The following STK3 variants were observed in gnomAD, a reference collection of about 807,000 sequenced individuals.
STK3 encodes the protein serine/threonine kinase 3.
A neutral mutation model predicts 58.0 loss-of-function variants in STK3; 41 were observed. The ratio of observed to expected loss-of-function variants is 0.71; its 90% confidence interval spans 0.55 to 0.92. STK3 has a LOEUF of 0.92. Among genes scored for constraint, STK3 ranks in the 40% least tolerant of loss-of-function variants. STK3 has a pLI of 0.00. For missense variants in STK3, 479 were observed against 602.7 expected, an observed-to-expected ratio of 0.79 and a Z score of 2.15; for synonymous variants, 170 against 191.0, an observed-to-expected ratio of 0.89 and a Z score of 0.91.
At chr8:98,387,679 C>G (rs927921161) in intron 1 of STK3, among the ~76,000 whole-genome samples, 1 of 152,182 alleles carries the variant, frequency 6.6e-6, no homozygotes, top group East Asian at 1.9e-4. Flanking sequence ...ACCTGGGAGG[C>G]AGAGGTTGTG....
chr8:98,499,363 T>C (rs1464597984), intron 10 of STK3, among the ~76,000 whole-genome samples: 1 of 152,190 alleles, frequency 6.6e-6, no homozygotes, highest in Non-Finnish European at 1.5e-5. Flanking sequence ...TAATTTGTTA[T>C]AGCAGCCATA....
At chr8:98,890,527 A>G (rs1838157059) in intron 1 of STK3, among the ~76,000 whole-genome samples, 1 of 152,182 alleles carries the variant, frequency 6.6e-6, no homozygotes, top group African/African-American at 2.4e-5. Flanking sequence ...CCAGGCATCA[A>G]TCTGCTACTC....
In STK3 at chr8:98,738,993, C is replaced by G. The variant is rs377254021; in HGVS notation, c.351+10283G>C. On this transcript the variant is annotated intron_variant, in intron 4 of 10. Coordinates refer to ENST00000419617, the MANE Select transcript of STK3 (RefSeq NM_006281.4). ...CCCAAGGAGTCTCACTGATTGCTAG[C>G]ACAGCAGTCTGAGATCAAACTGCAA... is the stretch of plus-strand genomic sequence containing the variant. 4.6e-4 allele frequency among the ~76,000 whole-genome samples: 70 copies of G among 152,364 alleles called. No homozygotes were observed. In the South Asian group the frequency reaches 0.014, roughly 31 times the overall value.
At chr8:98,724,077 C>T (rs1827629285) in intron 4 of STK3, among the ~76,000 whole-genome samples, 1 of 152,152 alleles carries the variant, frequency 6.6e-6, no homozygotes, top group Non-Finnish European at 1.5e-5. Flanking sequence ...TCACTGTCTT[C>T]ATGACACTCA....
chr8:98,445,454 T>C (rs1818899312), intron 1 of STK3, among the ~76,000 whole-genome samples: 1 of 152,120 alleles, frequency 6.6e-6, no homozygotes, highest in South Asian at 2.1e-4. Flanking sequence ...ATCCAAAATA[T>C]TATTATTTCA....
At position 98,428,668 on chromosome 8, in the gene STK3, T is replaced by C. The variant is rs1346414153; in HGVS notation, n.483+5459A>G. 6.2e-7 allele frequency: 1 copy of C among 1,614,170 alleles called. No homozygotes were observed. The highest frequency in any genetic ancestry group is 8.5e-7 in the Non-Finnish European group (1 of 1,180,034). On this transcript the variant is annotated intron_variant and non_coding_transcript_variant, in intron 3 of 3. Transcript: ENST00000517832. The surrounding 1 kb of genome is among the most constrained non-coding windows in gnomAD (Gnocchi z 6.7). ...GGCGAGGACCCTAGGTTCGAAATCGTGGAGCACTTTGGCATTGCCTGGTTC... is the reference window on the plus strand; with the variant it reads ...GGCGAGGACCCTAGGTTCGAAATCGCGGAGCACTTTGGCATTGCCTGGTTC...
intron 6 of STK3, among the ~76,000 whole-genome samples, chr8:98,615,357 G>A (rs1374547263): frequency 6.7e-6 from 1 of 148,414 alleles, no homozygotes; most frequent in Non-Finnish European, 1.5e-5. Flanking sequence ...CACAAAGATG[G>A]GGAAAAAACA....
chr8:98,614,406 G>A (rs552857922), intron 6 of STK3, among the ~76,000 whole-genome samples: 145 of 152,274 alleles, frequency 9.5e-4, no homozygotes, highest in African/African-American at 2.3e-3. Context: ...TAAAGAACAC[G>A]CTTTCAAATA....
At chr8:98,930,918 C>T (rs571968994) in intron 1 of STK3, among the ~76,000 whole-genome samples, 2 of 152,198 alleles carry the variant, frequency 1.3e-5, no homozygotes, top group African/African-American at 2.4e-5. Context: ...GCCTGCACAG[C>T]GCCTGAAGGA....
chr8:98,872,790 G>A (rs145196185), intron 3 of STK3, among the ~76,000 whole-genome samples: 1,646 of 152,228 alleles, frequency 0.011, 16 homozygotes, highest in Admixed American at 0.048. Flanking sequence ...CAAAAAACCA[G>A]CTCCTGGATT....
At chr8:98,860,412 T>A (rs1190685855) in intron 3 of STK3, among the ~76,000 whole-genome samples, 1 of 152,048 alleles carries the variant, frequency 6.6e-6, no homozygotes, top group Non-Finnish European at 1.5e-5. Context: ...ACAGCAAGTG[T>A]GAAGGCCCTA....
intron 6 of STK3, among the ~76,000 whole-genome samples, chr8:98,636,396 T>G (rs1324217422): frequency 6.6e-6 from 1 of 152,198 alleles, no homozygotes; most frequent in Non-Finnish European, 1.5e-5. Context: ...TTTACACTTA[T>G]TTAACTGACA....
intron 9 of STK3, 52 bp downstream of exon 9, chr8:98,547,917 A>C: frequency 6.9e-7 from 1 of 1,439,454 alleles, no homozygotes; most frequent in Middle Eastern, 1.9e-4. Context: ...GTTCCTATAA[A>C]AGTATCCTTT....
chr8:98,501,870 A>T (rs1823628730), intron 10 of STK3, among the ~76,000 whole-genome samples: 1 of 152,088 alleles, frequency 6.6e-6, no homozygotes, highest in African/African-American at 2.4e-5. Context: ...TTTGCTTAGG[A>T]TTGTATTGCC....
chr8:98,408,937 T>C (rs1818026791), intron 3 of STK3, among the ~76,000 whole-genome samples: 1 of 152,222 alleles, frequency 6.6e-6, no homozygotes, highest in Non-Finnish European at 1.5e-5. Context: ...TGACCCAATT[T>C]TGAGTTTGAA....
chr8:98,472,309 A>G (rs1820984926), intron 10 of STK3, among the ~76,000 whole-genome samples: 1 of 152,198 alleles, frequency 6.6e-6, no homozygotes, highest in South Asian at 2.1e-4. Context: ...TTAGATTCAG[A>G]TTAGTATAGA....
At chr8:98,831,171 C>T (rs1564046282) in intron 3 of STK3, among the ~76,000 whole-genome samples, 1 of 152,124 alleles carries the variant, frequency 6.6e-6, no homozygotes, top group South Asian at 2.1e-4. Context: ...AGCATACGTT[C>T]TTTGTAACTG....
upstream of STK3, chr8:98,391,504 G>A (rs1205567851): frequency 6.6e-6 from 1 of 152,132 alleles, no homozygotes; most frequent in African/African-American, 2.4e-5. Flanking sequence ...CACTCCTTGG[G>A]GCTCCCCTTT....
chr8:98,459,645 G>C (rs1051625659), intron 10 of STK3, among the ~76,000 whole-genome samples: 4 of 152,212 alleles, frequency 2.6e-5, no homozygotes, highest in Non-Finnish European at 4.4e-5. Flanking sequence ...TCATGGGCCA[G>C]GCCCAGGGGC....
Sources: allele counts gnomAD v4.1 joint callset (sites outside exome capture counted in the v4.1 genomes callset), GRCh38; gene constraint gnomAD v4.1.1; non-coding constraint Gnocchi (gnomAD v3.1); transcripts MANE v1.5; gene names NCBI Gene and HGNC (gene_info 2026-07-23, HGNC 2026-07-21).